WDR6: variants seen among roughly 807,000 people sequenced by gnomAD.
WDR6 encodes the protein tRNA (34-2'-O)-methyltransferase regulator WDR6.
Under a neutral mutation model 85.6 loss-of-function variants are expected in WDR6, and 58 were observed. That is an observed-to-expected ratio of 0.68 (90% confidence interval 0.55 to 0.84). The LOEUF is 0.84. Among genes scored for constraint, WDR6 ranks in the 40% least tolerant of loss-of-function variants. The pLI is 0.00. For synonymous variants in WDR6, 569 were observed against 582.2 expected, an observed-to-expected ratio of 0.98 and a Z score of 0.33; for missense variants, 1,310 against 1,476.4, an observed-to-expected ratio of 0.89 and a Z score of 1.85.
At chr3:49,010,407 A>C (rs935856464) in intron 1 of WDR6, among the ~76,000 whole-genome samples, 2 of 145,732 alleles carry the variant, frequency 1.4e-5, no homozygotes, top group Non-Finnish European at 3.0e-5. Flanking sequence ...CTTTGTCTCA[A>C]AAAAAAAAAA....
In WDR6 at chr3:49,011,914, G is replaced by A. The variant is rs780700277; in HGVS notation, c.380G>A (p.Gly127Glu). 1 of 1,614,236 alleles carries A rather than the reference G, an allele frequency of 6.2e-7. No individual in the cohort carries two copies. The highest frequency in any genetic ancestry group is 2.2e-5 in the East Asian group (1 of 44,876). ...DWIWDARWLE[G>E]NIALALGHNS... The stretch of plus-strand genomic sequence containing the variant: ...ATTTGGGATGCACGCTGGCTTGAGG[G>A]AAATATAGCCTTGGCCCTGGGCCAC... The change falls in exon 2 of 6, where the codon GGA becomes GAA. Residue 127 changes from glycine to glutamate, a missense_variant. Gly to Glu is a moderately conservative substitution (Grantham distance 98). Coordinates refer to ENST00000608424, the MANE Select transcript of WDR6 (RefSeq NM_018031.6).
In WDR6 at chr3:49,012,050, G is replaced by T; in HGVS notation, c.516G>T (p.Glu172Asp). Residue 172 changes from glutamate to aspartate, a missense_variant, in exon 2 of 6, where the codon GAG (glutamate) becomes GAT (aspartate). By Grantham distance (45) the Glu-to-Asp change is conservative. Coordinates refer to ENST00000608424, the MANE Select transcript of WDR6 (RefSeq NM_018031.6). The surrounding 1 kb of genome is among the most constrained non-coding windows in gnomAD (Gnocchi z 4.4). ...SACLIGDAWK[E>D]LTIVAGAVSN... ...GCCTGATTGGAGACGCCTGGAAGGA[G>T]CTGACCATAGTGGCAGGTGCTGTTT... 4 of 1,614,140 alleles carry T rather than the reference G, an allele frequency of 2.5e-6. No homozygotes were observed. The highest frequency in any genetic ancestry group is 3.4e-6 in the Non-Finnish European group (4 of 1,180,042).
Position 49,010,379 on chromosome 3 carries a change from T to C in WDR6, c.101-1256T>C, listed in dbSNP as rs1358242905. On this transcript the variant is annotated intron_variant, in intron 1 of 5. Transcript: ENST00000608424. ...CAAGATCGCGCCACAGCACTCCAGC[T>C]TGGGCGGCAGAGTGAGACTTTGTCT... Among the ~76,000 whole-genome samples, 5 of 147,464 alleles carry C rather than the reference T, an allele frequency of 3.4e-5. No homozygotes were observed. The Admixed American group carries it at 3.4e-4, about 10-fold the overall frequency.
rs2093028867 is a variant in WDR6 at position 49,013,379 on chromosome 3, G to A, written c.1845G>A (p.Trp615Ter). The A allele has an allele frequency of 6.2e-7, 1 of 1,614,180 alleles. No individual in the cohort carries two copies. The highest frequency in any genetic ancestry group is 1.6e-4 in the Middle Eastern group (1 of 6,062). Residue 615 changes from tryptophan to a stop codon, truncating the protein, a stop_gained, in exon 2 of 6, where the codon TGG becomes TGA. Coordinates refer to ENST00000608424, the MANE Select transcript of WDR6 (RefSeq NM_018031.6). LOFTEE classifies it high-confidence loss of function. The surrounding 1 kb of genome is among the most constrained non-coding windows in gnomAD (Gnocchi z 4.6). ...AGAAGTCCTGTCGAGGCATGAACTG[G>A]CTAGCTGGGCTCCGTATAGTGCCCG... The part of the protein sequence containing the change: ...LRQKSCRGMN[W>*]LAGLRIVPDG...
chr3:49,015,630 A>T lies in WDR6; in HGVS notation c.*342A>T, dbSNP rs1331394729. 1 of 1,614,124 alleles carries T rather than the reference A, an allele frequency of 6.2e-7. No homozygotes were observed. The highest frequency in any genetic ancestry group is 2.2e-5 in the East Asian group (1 of 44,884). On this transcript the variant is annotated 3_prime_UTR_variant, in exon 6 of 6. Coordinates refer to ENST00000608424, the MANE Select transcript of WDR6 (RefSeq NM_018031.6). Reference sequence around the variant, plus strand: ...GAGGGAGACCCAGCATAGCCAGGCCAGTATGGAGCACCTCACGCACAGCTC... The same window carrying T: ...GAGGGAGACCCAGCATAGCCAGGCCTGTATGGAGCACCTCACGCACAGCTC...
In WDR6 at chr3:49,014,927, G is replaced by A. The variant is rs778537444; in HGVS notation, c.3005G>A (p.Ser1002Asn). Residue 1002 changes from serine to asparagine, a missense_variant, in exon 6 of 6, where the codon AGT becomes AAT. Physicochemically the swap from Ser to Asn is conservative, Grantham distance 46 (BLOSUM62 1). Transcript: ENST00000608424. The surrounding 1 kb of genome is among the most constrained non-coding windows in gnomAD (Gnocchi z 4.9). ...GGCCACCATCTCGTGGCCAGTGGCA[G>A]TGAAGATGGATCCCTCCATGTCTTC... ...REGHHLVASG[S>N]EDGSLHVFVL... 5.9e-5 allele frequency: 96 copies of A among 1,614,166 alleles called. No homozygotes were observed. Among genetic ancestry groups the A allele is most frequent in the East Asian group, 1.8e-4 (8 of 44,878 alleles).
At position 49,012,773 on chromosome 3, in the gene WDR6, G is replaced by C; in HGVS notation, c.1239G>C (p.Gly413=). 6.2e-7 allele frequency: 1 copy of C among 1,613,978 alleles called. No individual in the cohort carries two copies. Among genetic ancestry groups the C allele is most frequent in the Non-Finnish European group, 8.5e-7 (1 of 1,180,006 alleles). ...TCGGATTGTGTGCTATGGCCAATGG[G>C]GAAGGTCGTGTCAAGGTTGTCCCCA... ...EGFGLCAMAN[G]EGRVKVVPIN... Residue 413 remains glycine (G), a synonymous_variant, in exon 2 of 6, where the codon GGG becomes GGC. Coordinates refer to ENST00000608424, the MANE Select transcript of WDR6 (RefSeq NM_018031.6). This position sits in a 1 kb window ranked among gnomAD's most constrained non-coding sequence, Gnocchi z 4.4.
chr3:49,011,921 A>G lies in WDR6; in HGVS notation c.387A>G (p.Ile129Met). 4 of 1,614,236 alleles carry G rather than the reference A, an allele frequency of 2.5e-6. No individual in the cohort carries two copies. The highest frequency in any genetic ancestry group is 3.4e-6 in the Non-Finnish European group (4 of 1,180,046). ...ATGCACGCTGGCTTGAGGGAAATAT[A>G]GCCTTGGCCCTGGGCCACAACTCAG... is the stretch of plus-strand genomic sequence containing the variant. The part of the protein sequence containing the change: ...IWDARWLEGN[I>M]ALALGHNSVV... The change falls in exon 2 of 6, where the codon ATA (isoleucine) becomes ATG (methionine). Residue 129 changes from isoleucine to methionine, a missense_variant. Ile to Met is a conservative substitution (Grantham distance 10). Coordinates refer to ENST00000608424, the MANE Select transcript of WDR6 (RefSeq NM_018031.6).
chr3:49,011,326 G>T (rs1038156203), intron 1 of WDR6: 2 of 711,948 alleles, frequency 2.8e-6, no homozygotes, highest in Non-Finnish European at 4.2e-6. Flanking sequence ...TGATTCATCC[G>T]CCTGGGCTTC....
Position 49,012,516 on chromosome 3 carries a change from G to T in WDR6, c.982G>T (p.Val328Leu), listed in dbSNP as rs1401743610. The T allele has an allele frequency of 1.3e-5, 21 of 1,613,978 alleles. No homozygotes were observed. Among genetic ancestry groups the T allele is most frequent in the Non-Finnish European group, 1.5e-5 (18 of 1,180,024 alleles). ...CTCAGGCATTCGGCTGTGGCACTTG[G>T]TAGGGCGTGGGTACCGGGGATTGGG... ...DDSGIRLWHL[V>L]GRGYRGLGVS... The change falls in exon 2 of 6, where the codon GTA becomes TTA. Residue 328 changes from valine (V) to leucine (L), a missense_variant. Transcript: ENST00000608424. This position sits in a 1 kb window ranked among gnomAD's most constrained non-coding sequence, Gnocchi z 4.4.
In WDR6 at chr3:49,015,084, A is replaced by G. The variant is rs201936380; in HGVS notation, c.3162A>G (p.Leu1054=). The change falls in exon 6 of 6, where the codon CTA becomes CTG. Residue 1054 remains leucine (L), a synonymous_variant. Coordinates refer to ENST00000608424, the MANE Select transcript of WDR6 (RefSeq NM_018031.6). ...HAAHVTGLKI[L]SPSIMVSASI... is the part of the protein sequence containing the mutation. ...CCCATGTGACAGGCCTCAAGATCCT[A>G]AGCCCAAGCATCATGGTCTCAGCCT... is the stretch of plus-strand genomic sequence containing the variant. 1,150 of 1,614,098 alleles carry G rather than the reference A, an allele frequency of 7.1e-4. 14 individuals are homozygous for G. The South Asian group carries it at 0.012, about 17-fold the overall frequency.
At chr3:49,009,463 G>A (rs1000378201) in intron 1 of WDR6, among the ~76,000 whole-genome samples, 16 of 152,146 alleles carry the variant, frequency 1.1e-4, no homozygotes, top group African/African-American at 3.9e-4. Context: ...GATTAGACCA[G>A]GGTTTTCTCA....
intron 1 of WDR6, 194 bp from the exon 2 acceptor site, chr3:49,011,441 A>C: frequency 6.4e-7 from 1 of 1,553,574 alleles, no homozygotes; most frequent in South Asian, 1.2e-5. Flanking sequence ...TGGCTTTCCA[A>C]AGTGCCCAGA....
chr3:49,013,524 G>C lies in WDR6; in HGVS notation c.1990G>C (p.Asp664His), dbSNP rs757617337. ...GGGHRSWAFS[D>H]TEAAMAFAYL... ...AGGGCACCGTTCGTGGGCATTCTCT[G>C]ATACTGAGGCGGCCATGGCCTTTGC... The change falls in exon 2 of 6, where the codon GAT becomes CAT. Residue 664 changes from aspartate to histidine, a missense_variant. By Grantham distance (81) the Asp-to-His change is moderately conservative (BLOSUM62 -1). Coordinates refer to ENST00000608424, the MANE Select transcript of WDR6 (RefSeq NM_018031.6). The surrounding 1 kb of genome is among the most constrained non-coding windows in gnomAD (Gnocchi z 4.6). 1.9e-6 allele frequency: 3 copies of C among 1,614,076 alleles called. No individual in the cohort carries two copies. Among genetic ancestry groups the C allele is most frequent in the Non-Finnish European group, 2.5e-6 (3 of 1,180,034 alleles).
At position 49,013,870 on chromosome 3, in the gene WDR6, C is replaced by T; in HGVS notation, c.2336C>T (p.Ala779Val). The T allele has an allele frequency of 6.2e-7, 1 of 1,614,076 alleles. No individual in the cohort carries two copies. Among genetic ancestry groups the T allele is most frequent in the Non-Finnish European group, 8.5e-7 (1 of 1,180,016 alleles). The change falls in exon 2 of 6, where the codon GCT becomes GTT. Residue 779 changes from alanine (A) to valine (V), a missense_variant. Physicochemically the swap from Ala to Val is moderately conservative, Grantham distance 64 (BLOSUM62 0). Coordinates refer to ENST00000608424, the MANE Select transcript of WDR6 (RefSeq NM_018031.6). The surrounding 1 kb of genome is among the most constrained non-coding windows in gnomAD (Gnocchi z 4.6). The part of the protein sequence containing the change: ...AVCNHISSVR[A>V]VAVWGIGTPG... ...TGTAACCATATCTCCTCGGTACGTG[C>T]TGTGGCTGTGTGGGGCATTGGCACC... is the stretch of plus-strand genomic sequence containing the variant.
Position 49,014,153 on chromosome 3 carries a change from A to G in WDR6, c.2582+37A>G. On this transcript the variant is annotated intron_variant, in intron 2 of 5. Coordinates refer to ENST00000608424, the MANE Select transcript of WDR6 (RefSeq NM_018031.6). This position sits in a 1 kb window ranked among gnomAD's most constrained non-coding sequence, Gnocchi z 4.9. ...TCCTGGGCAGGGTGTGGTATGGGTC[A>G]TGCAGATGCTCCCAGGCTTGCAGGC... 6.2e-7 allele frequency: 1 copy of G among 1,614,126 alleles called. No individual in the cohort carries two copies. Among genetic ancestry groups the G allele is most frequent in the African/African-American group, 1.3e-5 (1 of 75,050 alleles).
rs748431335 is a variant in WDR6, at chr3:49,014,252, T to C, written c.2625T>C (p.Leu875=). ...TGTGTGAACTTGACCAGCCCGGCCT[T>C]GGCCCCCTTGTGGCTGCAGCCTGTA... ...LAVCELDQPG[L]GPLVAAACSD... is the part of the protein sequence containing the mutation. The change falls in exon 3 of 6, where the codon CTT becomes CTC. Residue 875 remains leucine (L), a synonymous_variant. Coordinates refer to ENST00000608424, the MANE Select transcript of WDR6 (RefSeq NM_018031.6). This position sits in a 1 kb window ranked among gnomAD's most constrained non-coding sequence, Gnocchi z 4.9. The C allele has an allele frequency of 1.9e-6, 3 of 1,614,150 alleles. No homozygotes were observed. The highest frequency in any genetic ancestry group is 2.5e-6 in the Non-Finnish European group (3 of 1,180,026).
In WDR6 at chr3:49,013,951, G is replaced by T. The variant is rs148963800; in HGVS notation, c.2417G>T (p.Gly806Val). 3 of 1,612,664 alleles carry T rather than the reference G, an allele frequency of 1.9e-6. No homozygotes were observed. The highest frequency in any genetic ancestry group is 2.5e-6 in the Non-Finnish European group (3 of 1,180,004). Reference sequence around the variant, plus strand: ...CTGACTGCCCATGTGGTGTCTGCGGGGGGGCGGGCTGAGATGCACTGCTTC... The same window carrying T: ...CTGACTGCCCATGTGGTGTCTGCGGTGGGGCGGGCTGAGATGCACTGCTTC... ...PGLTAHVVSA[G>V]GRAEMHCFSI... Residue 806 changes from glycine to valine, a missense_variant, in exon 2 of 6, where the codon GGG becomes GTG. Coordinates refer to ENST00000608424, the MANE Select transcript of WDR6 (RefSeq NM_018031.6). This position sits in a 1 kb window ranked among gnomAD's most constrained non-coding sequence, Gnocchi z 4.6.
Position 49,015,914 on chromosome 3 carries a change from T to G in WDR6, c.*626T>G. The G allele has an allele frequency of 6.2e-7, 1 of 1,614,218 alleles. No individual in the cohort carries two copies. The highest frequency in any genetic ancestry group is 8.5e-7 in the Non-Finnish European group (1 of 1,180,046). On this transcript the variant is annotated 3_prime_UTR_variant, in exon 6 of 6. Transcript: ENST00000608424. ...AGTCACTGGCCCATCTCTTTGCTCT[T>G]GTGCCCCAGGCCAGAATAAAGAATA... is the stretch of plus-strand genomic sequence containing the variant.
Sources: allele counts gnomAD v4.1 joint callset (sites outside exome capture counted in the v4.1 genomes callset), GRCh38; gene constraint gnomAD v4.1.1; non-coding constraint Gnocchi (gnomAD v3.1); transcripts MANE v1.5; gene names NCBI Gene and HGNC (gene_info 2026-07-23, HGNC 2026-07-21).